Variants in NFATC3 observed in about 807,000 individuals in gnomAD.
NFATC3 encodes nuclear factor of activated T cells 3.
NFATC3 carries 46 observed loss-of-function variants against 98.6 expected under a neutral mutation model. That is an observed-to-expected ratio of 0.47 (90% CI 0.37 to 0.60). NFATC3 has a LOEUF of 0.60. Ranked by LOEUF, NFATC3 falls within the 20% of genes least tolerant of loss-of-function variation. The pLI, the probability that NFATC3 is intolerant of heterozygous loss-of-function variation, is 0.00. For missense variants in NFATC3, 1,256 were observed against 1,295.5 expected, an observed-to-expected ratio of 0.97 and a Z score of 0.47; for synonymous variants, 512 against 472.2, an observed-to-expected ratio of 1.08 and a Z score of -1.09.
intron 1 of NFATC3, among the ~76,000 whole-genome samples, chr16:68,102,374 GAAAAA>G (rs71268472): frequency 6.5e-5 from 2 of 30,892 alleles, no homozygotes; most frequent in East Asian, 9.0e-4. Flanking sequence ...TCCATCTCAG[GAAAAA>G]AAAAAAAAAA....
intron 6 of NFATC3, among the ~76,000 whole-genome samples, chr16:68,178,402 A>G (rs1051913304): frequency 2.6e-5 from 4 of 152,184 alleles, no homozygotes; most frequent in African/African-American, 7.2e-5. Flanking sequence ...TTCAAAAAAC[A>G]TCAGTTCTGT....
In NFATC3 at chr16:68,122,249, A is replaced by G; in HGVS notation, c.366A>G (p.Gln122=). 1.2e-6 allele frequency: 2 copies of G among 1,614,136 alleles called. No homozygotes were observed. The highest frequency in any genetic ancestry group is 2.2e-5 in the East Asian group (1 of 44,876). Residue 122 remains glutamine, a synonymous_variant, in exon 2 of 10, where the codon CAA becomes CAG. Transcript: ENST00000346183. ...QITSISPNCH[Q]ELDAHEDDLQ... ...CATCTATCTCTCCTAACTGTCATCAAGAATTAGATGCACATGAAGATGACC... is the reference window on the plus strand; with the variant it reads ...CATCTATCTCTCCTAACTGTCATCAGGAATTAGATGCACATGAAGATGACC...
intron 1 of NFATC3, among the ~76,000 whole-genome samples, chr16:68,087,531 T>G (rs1409702613): frequency 6.6e-6 from 1 of 152,114 alleles, no homozygotes; most frequent in Non-Finnish European, 1.5e-5. Context: ...TTTAAGCAGG[T>G]AATTTTTTTT....
intron 1 of NFATC3, among the ~76,000 whole-genome samples, chr16:68,106,509 C>T (rs1230493420): frequency 2.0e-5 from 3 of 151,986 alleles, no homozygotes; most frequent in Non-Finnish European, 4.4e-5. Flanking sequence ...CCAGGCTGGT[C>T]TCAAACTCCT....
chr16:68,173,971 AG>A (rs1384851828), intron 5 of NFATC3, among the ~76,000 whole-genome samples: 1 of 152,018 alleles, frequency 6.6e-6, no homozygotes, highest in African/African-American at 2.4e-5. Context: ...CGACAAAGTG[AG>A]ACCATGTTGC....
At chr16:68,215,271 A>G (rs2041588405) in intron 9 of NFATC3, among the ~76,000 whole-genome samples, 1 of 152,210 alleles carries the variant, frequency 6.6e-6, no homozygotes, top group African/African-American at 2.4e-5. Flanking sequence ...GTCTCACATC[A>G]TTCTTGTCCA....
intron 3 of NFATC3, among the ~76,000 whole-genome samples, chr16:68,145,725 G>C (rs1392651610): frequency 6.6e-6 from 1 of 152,184 alleles, no homozygotes; most frequent in Non-Finnish European, 1.5e-5. Context: ...AAATATGAAG[G>C]GGTGGCCCAA....
intron 1 of NFATC3, among the ~76,000 whole-genome samples, chr16:68,106,991 G>A (rs562331520): frequency 6.6e-6 from 1 of 152,076 alleles, no homozygotes; most frequent in East Asian, 1.9e-4. Context: ...TTCACCTACT[G>A]TTTATAAGTG....
At chr16:68,200,467 G>C (rs1006486380) in intron 9 of NFATC3, 1 of 151,700 alleles carries the variant, frequency 6.6e-6, no homozygotes, top group Non-Finnish European at 1.5e-5. Flanking sequence ...TCCTTGTTCA[G>C]TTTCATTGAG....
At chr16:68,129,274 A>G (rs2036999939) in intron 3 of NFATC3, among the ~76,000 whole-genome samples, 1 of 152,170 alleles carries the variant, frequency 6.6e-6, no homozygotes, top group Non-Finnish European at 1.5e-5. Context: ...AAAAACAAAG[A>G]CAAAACAGCT....
At chr16:68,108,227 T>G (rs2035766963) in intron 1 of NFATC3, among the ~76,000 whole-genome samples, 1 of 152,220 alleles carries the variant, frequency 6.6e-6, no homozygotes, top group African/African-American at 2.4e-5. Context: ...ATTGAAGTCT[T>G]TAATCCATCT....
At chr16:68,098,729 A>G (rs1258866580) in intron 1 of NFATC3, among the ~76,000 whole-genome samples, 1 of 152,192 alleles carries the variant, frequency 6.6e-6, no homozygotes, top group African/African-American at 2.4e-5. Flanking sequence ...AATTTTAGCC[A>G]TTCTAACAGG....
At chr16:68,210,694 T>C (rs2041348904) in intron 9 of NFATC3, among the ~76,000 whole-genome samples, 1 of 152,194 alleles carries the variant, frequency 6.6e-6, no homozygotes, top group African/African-American at 2.4e-5. Context: ...TTGGTCTTAA[T>C]GTATCATCCT....
intron 1 of NFATC3, among the ~76,000 whole-genome samples, chr16:68,087,371 A>C (rs1363892962): frequency 6.6e-6 from 1 of 152,248 alleles, no homozygotes; most frequent in East Asian, 1.9e-4. Flanking sequence ...AAGCTATGAA[A>C]AAATTTTTAA....
chr16:68,122,311 G>A lies in NFATC3; in HGVS notation c.428G>A (p.Arg143Lys). Residue 143 changes from arginine to lysine, a missense_variant, in exon 2 of 10, where the codon AGG (arginine) becomes AAG (lysine). By Grantham distance (26) the Arg-to-Lys change is conservative (BLOSUM62 2). Coordinates refer to ENST00000346183, the MANE Select transcript of NFATC3 (RefSeq NM_173165.3). Reference protein sequence around the residue: ...INDPEREFLERPSRDHLYLPL... With the variant: ...INDPEREFLEKPSRDHLYLPL... Reference sequence around the variant, plus strand: ...GACCCAGAACGGGAATTTTTGGAAAGGCCTTCTAGAGATCATCTCTATCTT... The same window carrying A: ...GACCCAGAACGGGAATTTTTGGAAAAGCCTTCTAGAGATCATCTCTATCTT... 2 of 1,614,124 alleles carry A rather than the reference G, an allele frequency of 1.2e-6. No individual in the cohort carries two copies. The highest frequency in any genetic ancestry group is 1.7e-6 in the Non-Finnish European group (2 of 1,180,024).
At chr16:68,110,327 G>A (rs1376710970) in intron 1 of NFATC3, among the ~76,000 whole-genome samples, 4 of 112,626 alleles carry the variant, frequency 3.6e-5, no homozygotes, top group East Asian at 2.6e-4. Context: ...TTTTTTTTTC[G>A]AGACGAAGTC....
chr16:68,191,846 A>T lies in NFATC3; in HGVS notation c.3106+71A>T, dbSNP rs1414646833. The T allele has an allele frequency of 2.6e-6, 4 of 1,534,976 alleles. No homozygotes were observed. The Admixed American group carries it at 7.2e-5, about 28-fold the overall frequency. On this transcript the variant is annotated intron_variant, in intron 9 of 9. Coordinates refer to ENST00000346183, the MANE Select transcript of NFATC3 (RefSeq NM_173165.3). ...ACTTTATTCTCCCAAGTGTCATGAA[A>T]AAGTTTCTATGGATTGCTTATTGGC...
intron 3 of NFATC3, among the ~76,000 whole-genome samples, chr16:68,155,637 T>C (rs1309871922): frequency 6.6e-6 from 1 of 152,104 alleles, no homozygotes; most frequent in Non-Finnish European, 1.5e-5. Context: ...AGAGAGACAT[T>C]CCACCCGCCA....
chr16:68,196,402 T>A (rs991464739), intron 9 of NFATC3, among the ~76,000 whole-genome samples: 5 of 152,220 alleles, frequency 3.3e-5, no homozygotes, highest in Admixed American at 1.3e-4. Flanking sequence ...ATTACAGGCA[T>A]GAGCCACCAT....
Sources: allele counts gnomAD v4.1 joint callset (sites outside exome capture counted in the v4.1 genomes callset), GRCh38; gene constraint gnomAD v4.1.1; transcripts MANE v1.5; gene names NCBI Gene and HGNC (gene_info 2026-07-23, HGNC 2026-07-21).